The following ZNF133 variants were observed in gnomAD, a reference collection of about 807,000 sequenced individuals.
ZNF133 encodes zinc finger protein 133 (clone pHZ-13).
ZNF133 carries 26 observed loss-of-function variants against 54.9 expected under a neutral mutation model. The ratio of observed to expected loss-of-function variants is 0.47; its 90% CI spans 0.35 to 0.66. The LOEUF is 0.66. ZNF133 is among the 30% of genes least tolerant of loss of function. The probability of loss-of-function intolerance (pLI) is 0.01; values close to 1 mark genes in which losing one functional copy is unlikely to be tolerated. For synonymous variants in ZNF133, 298 were observed against 320.3 expected (o/e 0.93, Z 0.74); for missense variants, 653 against 820.8 (o/e 0.80, Z 2.50).
Position 18,297,978 on chromosome 20 carries a change from T to A in ZNF133, c.-431-7T>A. ...GACACCCTCCCATTTCTGTTTTCCTTACCCAGATCTACCTTCTGAGATATC... is the reference window on the plus strand; with the variant it reads ...GACACCCTCCCATTTCTGTTTTCCTAACCCAGATCTACCTTCTGAGATATC... On this transcript the variant is annotated splice_region_variant and splice_polypyrimidine_tract_variant and intron_variant, in intron 1 of 6. Coordinates refer to ENST00000425686, the MANE Select transcript of ZNF133 (RefSeq NM_001352452.2). The A allele has an allele frequency of 6.6e-7, 1 of 1,509,524 alleles. No individual in the cohort carries two copies. The highest frequency in any genetic ancestry group is 1.2e-5 in the South Asian group (1 of 83,616). 93.5% of individuals were successfully genotyped at this position (1,509,524 alleles called of 1,614,324 possible).
intron 1 of ZNF133, among the ~76,000 whole-genome samples, chr20:18,291,838 G>A (rs1200331599): frequency 6.6e-6 from 1 of 151,866 alleles, no homozygotes; most frequent in African/African-American, 2.4e-5. Context: ...TCAGCCTCCT[G>A]AGTATCTGGT....
At chr20:18,295,862 C>T (rs6075312) in intron 1 of ZNF133, among the ~76,000 whole-genome samples, 47,586 of 151,970 alleles carry the variant, frequency 0.31, 8,952 homozygotes, top group East Asian at 0.64. Flanking sequence ...TGAGGTCTCA[C>T]CATGTTGCCC....
intron 1 of ZNF133, among the ~76,000 whole-genome samples, chr20:18,292,255 C>G (rs1331396157): frequency 1.3e-5 from 2 of 152,210 alleles, no homozygotes; most frequent in East Asian, 3.9e-4. Context: ...TAAATCGAAT[C>G]ATGTCATGTG....
At chr20:18,311,984 TA>T (rs1340186540) in intron 6 of ZNF133, among the ~76,000 whole-genome samples, 1 of 152,284 alleles carries the variant, frequency 6.6e-6, no homozygotes, top group South Asian at 2.1e-4. Flanking sequence ...CTTAGGACCA[TA>T]AGTGTTTCAG....
intron 5 of ZNF133, 160 bp from the exon 6 acceptor site, chr20:18,306,138 C>G: frequency 1.5e-6 from 1 of 657,506 alleles, no homozygotes; most frequent in Non-Finnish European, 2.6e-6. Context: ...CATCTGAGTT[C>G]ACTGCCCACT....
At chr20:18,312,233 A>T (rs551140409) in intron 6 of ZNF133, among the ~76,000 whole-genome samples, 3,370 of 152,244 alleles carry the variant, frequency 0.022, 51 homozygotes, top group Non-Finnish European at 0.036. Flanking sequence ...TCAGCTGTGG[A>T]ATTTTCTACT....
At chr20:18,291,621 A>G (rs927271849) in intron 1 of ZNF133, among the ~76,000 whole-genome samples, 9 of 151,782 alleles carry the variant, frequency 5.9e-5, no homozygotes, top group Admixed American at 4.6e-4. Flanking sequence ...AAGGCTTTAA[A>G]TGCCATCTGT....
In ZNF133 at chr20:18,302,404, CAAAA is replaced by C. The variant is rs71194236; in HGVS notation, c.-177-2589_-177-2586del. On this transcript the variant is annotated intron_variant, in intron 3 of 6. Coordinates refer to ENST00000425686, the MANE Select transcript of ZNF133 (RefSeq NM_001352452.2). ...GGTGACAAGAGCAAAAACTCTGTCT[CAAAA>C]AAAAAAAAAAAAAATCAATGCATAT... is the stretch of plus-strand genomic sequence containing the variant. 1.6e-3 allele frequency among the ~76,000 whole-genome samples: 187 copies of C among 114,588 alleles called. No homozygotes were observed. In the South Asian group the frequency reaches 0.018, roughly 11 times the overall value. The allele number at this position is 114,588 out of a possible 152,430, so 75.2% of individuals were successfully genotyped here. A position where few individuals can be genotyped will look rare whatever the true frequency, so the allele number is the denominator to read the frequency against.
chr20:18,302,166 C>T (rs1215063807), intron 3 of ZNF133, among the ~76,000 whole-genome samples: 5 of 151,856 alleles, frequency 3.3e-5, no homozygotes, highest in African/African-American at 4.8e-5. Flanking sequence ...TTTGGGGGGC[C>T]GAGGTTGGTG....
chr20:18,299,301 A>G (rs2147161883), intron 3 of ZNF133, among the ~76,000 whole-genome samples: 1 of 152,312 alleles, frequency 6.6e-6, no homozygotes, highest in East Asian at 1.9e-4. Flanking sequence ...AAAAAGTACA[A>G]CTGAAAAGAA....
At position 18,305,478 on chromosome 20, in the gene ZNF133, C is replaced by T. The variant is rs1365968844; in HGVS notation, c.-6-203C>T. Among the ~76,000 whole-genome samples, 4 of 152,106 alleles carry T rather than the reference C, an allele frequency of 2.6e-5. No individual in the cohort carries two copies. The highest frequency in any genetic ancestry group is 2.1e-4 in the South Asian group (1 of 4,824). On this transcript the variant is annotated intron_variant, in intron 4 of 6. Transcript: ENST00000425686. The surrounding 1 kb of genome is among the most constrained non-coding windows in gnomAD (Gnocchi z 4.7). ...TTGTGCACATATACCCTGTGTGGCC[C>T]CCCAGGATCTTGACTGTATGGGTTC... is the stretch of plus-strand genomic sequence containing the variant.
intron 6 of ZNF133, among the ~76,000 whole-genome samples, chr20:18,311,848 G>A (rs1044242882): frequency 1.3e-5 from 2 of 152,190 alleles, no homozygotes; most frequent in Non-Finnish European, 2.9e-5. Context: ...GGCACTGTCT[G>A]TAAATTATAA....
intron 3 of ZNF133, among the ~76,000 whole-genome samples, chr20:18,304,245 A>C (rs895755117): frequency 5.3e-5 from 8 of 152,224 alleles, no homozygotes; most frequent in African/African-American, 1.9e-4. Flanking sequence ...TTTAAAAAAA[A>C]CCCAAAACTA....
chr20:18,302,887 G>T (rs1019332068), intron 3 of ZNF133, among the ~76,000 whole-genome samples: 8 of 151,770 alleles, frequency 5.3e-5, no homozygotes, highest in African/African-American at 1.9e-4. Flanking sequence ...AATCCTAATA[G>T]AAAATGAGGA....
intron 1 of ZNF133, among the ~76,000 whole-genome samples, chr20:18,295,967 A>G (rs2042154075): frequency 6.6e-6 from 1 of 152,062 alleles, no homozygotes; most frequent in Non-Finnish European, 1.5e-5. Context: ...GTATATACGT[A>G]GTGTTTTTTA....
chr20:18,293,693 T>C lies in ZNF133; in HGVS notation c.-431-4292T>C, dbSNP rs181532145. On this transcript the variant is annotated intron_variant, in intron 1 of 6. Transcript: ENST00000425686. ...AAATAAATAACTGAATATAAATAAA[T>C]GGGGAGACAGAACAGCTCTGACAGA... Among the ~76,000 whole-genome samples, 118 of 151,822 alleles carry C rather than the reference T, an allele frequency of 7.8e-4. 3 individuals carry two copies. The East Asian group carries it at 0.021, about 27-fold the overall frequency.
At position 18,310,289 on chromosome 20, in the gene ZNF133, G is replaced by A. The variant is rs995139753; in HGVS notation, c.217+3896G>A. On this transcript the variant is annotated intron_variant, in intron 6 of 6. Transcript: ENST00000425686. The stretch of plus-strand genomic sequence containing the variant: ...GGAAACCCAAAATATATGTGTAACG[G>A]GAGGAAGACTGTTCTAGGTATAAAA... 8 of 1,533,234 alleles carry A rather than the reference G, an allele frequency of 5.2e-6. No homozygotes were observed. The African/African-American group carries it at 1.1e-4, about 21-fold the overall frequency. 95.0% of individuals were successfully genotyped at this position (1,533,234 alleles called of 1,614,324 possible). A position where few individuals can be genotyped will look rare whatever the true frequency, so the allele number is the denominator to read the frequency against.
intron 1 of ZNF133, among the ~76,000 whole-genome samples, chr20:18,293,189 C>T (rs1408987145): frequency 6.6e-6 from 1 of 152,368 alleles, no homozygotes; most frequent in African/African-American, 2.4e-5. Context: ...GTTTTAATCT[C>T]CCACAGTTCT....
At chr20:18,311,261 G>A (rs944177721) in intron 6 of ZNF133, among the ~76,000 whole-genome samples, 3 of 152,176 alleles carry the variant, frequency 2.0e-5, no homozygotes, top group Non-Finnish European at 2.9e-5. Context: ...TTTGGGCTAC[G>A]TGATCTATGA....
Sources: gnomAD v4.1 joint callset for allele counts (sites outside exome capture counted in the v4.1 genomes callset) on GRCh38, gnomAD v4.1.1 for gene constraint, Gnocchi (gnomAD v3.1) non-coding constraint, MANE v1.5 for transcripts, NCBI Gene and HGNC (gene_info 2026-07-23, HGNC 2026-07-21) for gene names.